PI4KA: variants seen among roughly 807,000 people sequenced by gnomAD.
PI4KA encodes the protein PI4-kinase alpha.
In PI4KA, 122 loss-of-function variants were observed where a neutral mutation model predicts 271.4. The ratio of observed to expected loss-of-function variants is 0.45; its 90% CI spans 0.39 to 0.52. PI4KA has a LOEUF of 0.52. PI4KA is among the 20% of genes least tolerant of loss of function. The pLI is 0.00. For synonymous variants in PI4KA, 1,041 were observed against 1,078.8 expected, an observed-to-expected ratio of 0.96 and a Z score of 0.69; for missense variants, 1,969 against 2,769.1, an observed-to-expected ratio of 0.71 and a Z score of 6.48.
At chr22:20,850,659 G>C (rs1431187770) in intron 1 of PI4KA, among the ~76,000 whole-genome samples, 1 of 151,696 alleles carries the variant, frequency 6.6e-6, no homozygotes, top group Non-Finnish European at 1.5e-5. Context: ...GGATGGTCTG[G>C]ATTTCCTGAC....
chr22:20,856,869 G>C (rs1345481436), intron 1 of PI4KA, among the ~76,000 whole-genome samples: 1 of 152,234 alleles, frequency 6.6e-6, no homozygotes, highest in Non-Finnish European at 1.5e-5. Flanking sequence ...GAGTTACTGA[G>C]TGGAAAGGGT....
intron 8 of PI4KA, among the ~76,000 whole-genome samples, chr22:20,811,832 T>G (rs1057079622): frequency 1.8e-4 from 27 of 151,530 alleles, no homozygotes; most frequent in Admixed American, 1.8e-3. Context: ...GCTAACAAGG[T>G]GAAACCCTGT....
chr22:20,837,142 A>G (rs1445342873), intron 2 of PI4KA, among the ~76,000 whole-genome samples: 1 of 152,220 alleles, frequency 6.6e-6, no homozygotes, highest in African/African-American at 2.4e-5. Context: ...TAATCCCAGC[A>G]CTTTGGGAGG....
intron 1 of PI4KA, among the ~76,000 whole-genome samples, chr22:20,840,432 T>C (rs1481409230): frequency 6.6e-6 from 1 of 152,124 alleles, no homozygotes; most frequent in Non-Finnish European, 1.5e-5. Flanking sequence ...AACAAACACA[T>C]AGAGGCCTTA....
intron 45 of PI4KA, among the ~76,000 whole-genome samples, chr22:20,716,889 C>A: frequency 6.6e-6 from 1 of 152,208 alleles, no homozygotes; most frequent in Admixed American, 6.5e-5. Flanking sequence ...ACAGCTGAGA[C>A]CAGCCGCTGT....
At chr22:20,786,901 G>C (rs1406576445) in intron 19 of PI4KA, 1 of 1,614,164 alleles carries the variant, frequency 6.2e-7, no homozygotes. Flanking sequence ...CGATCACAGT[G>C]AACGAGGAAG....
In PI4KA at chr22:20,729,307, G is replaced by A. The variant is rs1927725669; in HGVS notation, c.4682+6C>T. 2 of 1,610,700 alleles carry A rather than the reference G, an allele frequency of 1.2e-6. No homozygotes were observed. Among genetic ancestry groups the A allele is most frequent in the Admixed American group, 1.7e-5 (1 of 59,868 alleles). ...CTGTGTCAGGCTGTGGTGCCCGGGGGCCCACCTGGCAGGCAGCTGCACGGC... is the reference window on the plus strand; with the variant it reads ...CTGTGTCAGGCTGTGGTGCCCGGGGACCCACCTGGCAGGCAGCTGCACGGC... On this transcript the variant is annotated splice_donor_region_variant and intron_variant, in intron 39 of 54. Coordinates refer to ENST00000255882, the MANE Select transcript of PI4KA (RefSeq NM_058004.4).
intron 19 of PI4KA, chr22:20,779,389 ATC>A: frequency 6.2e-7 from 1 of 1,614,248 alleles, no homozygotes. Context: ...GGCCCGCTGG[ATC>A]AGCTAGAGAA....
chr22:20,763,576 A>G (rs568767984), intron 22 of PI4KA, among the ~76,000 whole-genome samples: 1 of 151,574 alleles, frequency 6.6e-6, no homozygotes, highest in African/African-American at 2.4e-5. Context: ...AGTAGCTGGG[A>G]CTATAGGCAC....
intron 42 of PI4KA, among the ~76,000 whole-genome samples, chr22:20,723,300 G>A (rs1054902001): frequency 2.0e-5 from 3 of 152,044 alleles, no homozygotes; most frequent in East Asian, 1.9e-4. Flanking sequence ...GATTACAAGC[G>A]TGAGCCACCG....
rs761331155 is a variant in PI4KA, at chr22:20,730,049, G to C, written c.4289-38C>G. ...ACATTGTTGATTCTAGAGTGAGGTG[G>C]CTCAAGAAAAGGTACCACAAAAAAT... is the stretch of plus-strand genomic sequence containing the variant. On this transcript the variant is annotated intron_variant, in intron 36 of 54. Transcript: ENST00000255882. 8.7e-6 allele frequency: 14 copies of C among 1,605,128 alleles called. No homozygotes were observed. In the Admixed American group the frequency reaches 2.0e-4, roughly 23 times the overall value.
intron 3 of PI4KA, among the ~76,000 whole-genome samples, chr22:20,826,848 T>G (rs1216925126): frequency 6.6e-6 from 1 of 152,234 alleles, no homozygotes; most frequent in African/African-American, 2.4e-5. Flanking sequence ...GCCACTTGTA[T>G]GTCTTCTTTT....
intron 22 of PI4KA, among the ~76,000 whole-genome samples, chr22:20,763,768 G>A (rs1033198193): frequency 1.3e-5 from 2 of 152,110 alleles, no homozygotes; most frequent in Non-Finnish European, 2.9e-5. Context: ...AATGAAAAAA[G>A]AACAAAGTCA....
intron 19 of PI4KA, among the ~76,000 whole-genome samples, chr22:20,766,922 C>T (rs1330599911): frequency 6.6e-6 from 1 of 152,130 alleles, no homozygotes; most frequent in Non-Finnish European, 1.5e-5. Context: ...GCACAGCAGG[C>T]AGGACTGTAA....
At chr22:20,710,576 G>C (rs933305415) in intron 52 of PI4KA, 123 bp downstream of exon 52, 1 of 820,388 alleles carries the variant, frequency 1.2e-6, no homozygotes, top group African/African-American at 1.7e-5. Flanking sequence ...ACAGGTGTAG[G>C]TCAGCAGGTG....
At position 20,858,593 on chromosome 22, in the gene PI4KA, G is replaced by A; in HGVS notation, c.133C>T (p.Gln45Ter). 1.4e-6 allele frequency: 2 copies of A among 1,468,474 alleles called. No individual in the cohort carries two copies. The highest frequency in any genetic ancestry group is 2.3e-5 in the Admixed American group (1 of 42,878). 91.0% of individuals were successfully genotyped at this position (1,468,474 alleles called of 1,614,324 possible). ...ACCTTCTCCAAGGATGCTGGTCTCTGCACCGCCAGGGAGCGGGCCAGTGAC... is the reference window on the plus strand; with the variant it reads ...ACCTTCTCCAAGGATGCTGGTCTCTACACCGCCAGGGAGCGGGCCAGTGAC... ...VLSLARSLAV[Q>*]RPASLEKVQK... Residue 45 changes from glutamine to a stop codon, truncating the protein, a stop_gained, in exon 1 of 55, where the codon CAG (glutamine) becomes TAG (stop). Transcript: ENST00000255882. LOFTEE classifies it high-confidence loss of function.
At chr22:20,820,676 AAGTC>A (rs1922544660) in intron 4 of PI4KA, 65 bp from the exon 5 acceptor site, 1 of 1,140,386 alleles carries the variant, frequency 8.8e-7, no homozygotes, top group African/African-American at 1.6e-5. Flanking sequence ...TCACGAAACT[AAGTC>A]AGAATTAGAA....
chr22:20,786,892 G>A (rs770881141), intron 19 of PI4KA: 20 of 1,614,148 alleles, frequency 1.2e-5, no homozygotes, highest in East Asian at 2.2e-5. Context: ...ACCAAGGCAC[G>A]ATCACAGTGA....
chr22:20,800,488 T>G (rs564529904), intron 14 of PI4KA, among the ~76,000 whole-genome samples: 161 of 152,264 alleles, frequency 1.1e-3, no homozygotes, highest in African/African-American at 3.7e-3. Flanking sequence ...AAAGAAAATA[T>G]GATGATACGT....
Sources: gnomAD v4.1 joint callset for allele counts (sites outside exome capture counted in the v4.1 genomes callset) on GRCh38, gnomAD v4.1.1 for gene constraint, MANE v1.5 for transcripts, NCBI Gene and HGNC (gene_info 2026-07-23, HGNC 2026-07-21) for gene names.